The following TNIK variants were observed in gnomAD, a reference collection of about 807,000 sequenced individuals.
TNIK encodes the protein TRAF2 and NCK interacting kinase, also known as TRAF2 and NCK-interacting protein kinase.
Under a neutral mutation model 191.3 loss-of-function variants are expected in TNIK, and 49 were observed. The ratio of observed to expected loss-of-function variants is 0.26; its 90% CI spans 0.20 to 0.32. The LOEUF (loss-of-function observed/expected upper bound fraction) is 0.32, where lower values mean the gene tolerates loss of function less well. TNIK is among the 10% of genes least tolerant of loss of function. The probability of loss-of-function intolerance (pLI) is 1.00; values close to 1 mark genes in which losing one functional copy is unlikely to be tolerated. For missense variants in TNIK, 1,155 were observed against 1,702.3 expected (o/e 0.68, Z 5.66); for synonymous variants, 594 against 600.9 (o/e 0.99, Z 0.17).
At chr3:171,136,817 C>G (rs192733607) in intron 15 of TNIK, among the ~76,000 whole-genome samples, 118 of 152,252 alleles carry the variant, frequency 7.8e-4, no homozygotes, top group African/African-American at 2.6e-3. Flanking sequence ...TTTTGCTTAG[C>G]TGGAAGAACA....
At chr3:171,368,626 A>G (rs1036318080) in intron 2 of TNIK, among the ~76,000 whole-genome samples, 1 of 152,240 alleles carries the variant, frequency 6.6e-6, no homozygotes, top group African/African-American at 2.4e-5. Flanking sequence ...GTATCCACTT[A>G]GAATCTCGAG....
intron 7 of TNIK, among the ~76,000 whole-genome samples, chr3:171,180,193 C>A (rs1176123825): frequency 6.6e-6 from 1 of 152,168 alleles, no homozygotes; most frequent in Non-Finnish European, 1.5e-5. Flanking sequence ...GAAGGCCCAG[C>A]CTTTGGATCT....
intron 12 of TNIK, among the ~76,000 whole-genome samples, chr3:171,154,760 T>C (rs1234973451): frequency 6.6e-6 from 1 of 152,230 alleles, no homozygotes; most frequent in Non-Finnish European, 1.5e-5. Flanking sequence ...TCACCATTGA[T>C]GGACTCATTC....
chr3:171,374,768 A>T (rs2108504513), intron 1 of TNIK, among the ~76,000 whole-genome samples: 1 of 152,352 alleles, frequency 6.6e-6, no homozygotes, highest in Non-Finnish European at 1.5e-5. Flanking sequence ...AGTCATGACA[A>T]TAAAAATTAC....
intron 1 of TNIK, among the ~76,000 whole-genome samples, chr3:171,371,297 T>G (rs917919820): frequency 5.3e-5 from 8 of 152,228 alleles, no homozygotes; most frequent in Admixed American, 1.3e-4. Context: ...CAAGTCAGGA[T>G]GCTTTAAAGT....
chr3:171,118,510 G>C (rs965269470), intron 18 of TNIK, among the ~76,000 whole-genome samples: 3 of 152,148 alleles, frequency 2.0e-5, no homozygotes, highest in Non-Finnish European at 2.9e-5. Flanking sequence ...AACAAAGCTG[G>C]AGGCATCATG....
At chr3:171,375,074 T>G (rs531080784) in intron 1 of TNIK, among the ~76,000 whole-genome samples, 1 of 152,330 alleles carries the variant, frequency 6.6e-6, no homozygotes, top group South Asian at 2.1e-4. Flanking sequence ...CTGGTAGCTC[T>G]CTAACCTTGA....
intron 2 of TNIK, among the ~76,000 whole-genome samples, chr3:171,268,384 G>A (rs758471112): frequency 6.6e-6 from 1 of 151,938 alleles, no homozygotes; most frequent in Non-Finnish European, 1.5e-5. Flanking sequence ...AATCCTGTGA[G>A]GCCAGTAAAC....
intron 25 of TNIK, 44 bp from the exon 26 acceptor site, chr3:171,084,369 T>C (rs1560086599): frequency 1.9e-6 from 3 of 1,587,984 alleles, no homozygotes; most frequent in East Asian, 4.5e-5. Flanking sequence ...TCTTAAAAGA[T>C]AACTTATGGA....
At chr3:171,249,829 C>A (rs1283662738) in intron 2 of TNIK, among the ~76,000 whole-genome samples, 3 of 152,170 alleles carry the variant, frequency 2.0e-5, no homozygotes, top group Non-Finnish European at 4.4e-5. Flanking sequence ...CCCAACCCAA[C>A]CTACCTAGAC....
At chr3:171,087,541 G>T in intron 23 of TNIK, 35 bp from the exon 24 acceptor site, 1 of 1,603,872 alleles carries the variant, frequency 6.2e-7, no homozygotes, top group Non-Finnish European at 8.5e-7. Context: ...GAGTTAGAGA[G>T]GGGGGAAAAA....
At chr3:171,251,193 T>C (rs1219128304) in intron 2 of TNIK, among the ~76,000 whole-genome samples, 1 of 152,056 alleles carries the variant, frequency 6.6e-6, no homozygotes, top group Non-Finnish European at 1.5e-5. Flanking sequence ...GAACAGCAGA[T>C]ACAGACAGCA....
chr3:171,101,367 AC>A lies in TNIK; in HGVS notation c.2591+81del, dbSNP rs1368924377. The A allele has an allele frequency of 8.9e-6, 13 of 1,459,692 alleles. No homozygotes were observed. The East Asian group carries it at 3.0e-4, about 33-fold the overall frequency. The allele number at this position is 1,459,692 out of a possible 1,614,324, so 90.4% of individuals were successfully genotyped here. Reference sequence around the variant, plus strand: ...TTGCCACAGACCCATATACAATCTTACATTTAACTCATATTTTTTTGTCCTT... The same window carrying A: ...TTGCCACAGACCCATATACAATCTTAATTTAACTCATATTTTTTTGTCCTT... On this transcript the variant is annotated intron_variant, in intron 22 of 32. Transcript: ENST00000436636.
At chr3:171,221,868 C>G (rs985279988) in intron 3 of TNIK, among the ~76,000 whole-genome samples, 1 of 152,070 alleles carries the variant, frequency 6.6e-6, no homozygotes, top group East Asian at 1.9e-4. Context: ...CAAATTGGCA[C>G]GTAGTTCACA....
At chr3:171,440,739 C>T (rs115187918) in intron 1 of TNIK, among the ~76,000 whole-genome samples, 3,556 of 152,126 alleles carry the variant, frequency 0.023, 67 homozygotes, top group Middle Eastern at 0.048. Context: ...GGGAGACAAC[C>T]AAATAATTTG....
chr3:171,323,110 G>A (rs73171590), intron 2 of TNIK, among the ~76,000 whole-genome samples: 7 of 151,908 alleles, frequency 4.6e-5, no homozygotes, highest in Non-Finnish European at 1.0e-4. Flanking sequence ...CTACAAGAGC[G>A]GTAGTTGATT....
intron 4 of TNIK, among the ~76,000 whole-genome samples, chr3:171,210,010 T>G (rs972208017): frequency 6.6e-6 from 1 of 152,186 alleles, no homozygotes; most frequent in African/African-American, 2.4e-5. Flanking sequence ...ATTTGGCATA[T>G]AGTAGGCTCT....
At chr3:171,360,716 CCT>C (rs1444384415) in intron 2 of TNIK, among the ~76,000 whole-genome samples, 5 of 152,196 alleles carry the variant, frequency 3.3e-5, no homozygotes, top group Non-Finnish European at 7.3e-5. Flanking sequence ...ACTACCTCTC[CCT>C]AGAGTACCTA....
rs1478854061 is a variant in TNIK at position 171,123,638 on chromosome 3, C to T, written c.2078G>A (p.Ser693Asn). 11 of 1,576,644 alleles carry T rather than the reference C, an allele frequency of 7.0e-6. No homozygotes were observed. Among genetic ancestry groups the T allele is most frequent in the Non-Finnish European group, 8.6e-6 (10 of 1,158,956 alleles). ...LARKNSPGNG[S>N]ALGPRLGSQP... ...AGATCCTAGTCTGGGTCCCAGAGCA[C>T]TACCATTCCCAGGAGAATTCTTTCT... The change falls in exon 18 of 33, where the codon AGT becomes AAT. Residue 693 changes from serine (S) to asparagine (N), a missense_variant. Physicochemically the swap from Ser to Asn is conservative, Grantham distance 46 (BLOSUM62 1). Around this residue, in one of 3 missense-constraint regions of TNIK, gnomAD observed 735 missense variants for 848.0 expected, o/e 0.87. Coordinates refer to ENST00000436636, the MANE Select transcript of TNIK (RefSeq NM_015028.4).
Sources: gnomAD v4.1 joint callset for allele counts (sites outside exome capture counted in the v4.1 genomes callset) on GRCh38, gnomAD v4.1.1 for gene constraint, gnomAD v4.1.1 regional missense constraint, MANE v1.5 for transcripts, NCBI Gene and HGNC (gene_info 2026-07-23, HGNC 2026-07-21) for gene names.